The following MYO1H variants were observed in gnomAD, a reference collection of about 807,000 sequenced individuals.
The protein encoded by MYO1H is myosin IH.
Under a neutral mutation model 149.3 loss-of-function variants are expected in MYO1H, and 118 were observed. The ratio of observed to expected loss-of-function variants is 0.79; its 90% confidence interval spans 0.68 to 0.92. The LOEUF is 0.92. Among genes scored for constraint, MYO1H ranks in the 40% least tolerant of loss-of-function variants. The pLI is 0.00. For synonymous variants in MYO1H, 447 were observed against 465.2 expected (o/e 0.96, Z 0.50); for missense variants, 1,212 against 1,280.7 (o/e 0.95, Z 0.82).
chr12:109,399,508 C>T (rs1202936379), intron 5 of MYO1H, among the ~76,000 whole-genome samples: 2 of 147,804 alleles, frequency 1.4e-5, no homozygotes, highest in African/African-American at 5.0e-5. Flanking sequence ...ATGAGAAACA[C>T]TTGAACTTGG....
At chr12:109,432,966 G>A in exon 20 of MYO1H, 1 of 1,614,032 alleles carries the variant, frequency 6.2e-7, no homozygotes, top group Non-Finnish European at 8.5e-7. Flanking sequence ...TGGAACGGCT[G>A]ATCAAGTACA....
intron 31 of MYO1H, chr12:109,446,360 T>C: frequency 1.0e-6 from 1 of 985,456 alleles, no homozygotes; most frequent in Non-Finnish European, 1.2e-6. Context: ...GCTGAATCTT[T>C]AAAATGTATC....
chr12:109,333,736 C>T, the MYO1H span, among the ~76,000 whole-genome samples: 5 of 152,054 alleles, frequency 3.3e-5, no homozygotes, highest in South Asian at 2.1e-4. Context: ...ATTTATGATG[C>T]GGGTACATCT....
chr12:109,351,029 CTAAT>C (rs1566016447), intron 1 of MYO1H, among the ~76,000 whole-genome samples: 1 of 152,106 alleles, frequency 6.6e-6, no homozygotes, highest in African/African-American at 2.4e-5. Flanking sequence ...GTCATAAGTG[CTAAT>C]TAATTAAGCT....
intron 7 of MYO1H, among the ~76,000 whole-genome samples, chr12:109,405,391 ACCTCC>A (rs1307401041): frequency 6.6e-6 from 1 of 152,088 alleles, no homozygotes; most frequent in Non-Finnish European, 1.5e-5. Flanking sequence ...GCTCACTGCA[ACCTCC>A]GCCTCCCGGG....
chr12:109,378,785 AAG>A (rs1251638069), intron 1 of MYO1H, among the ~76,000 whole-genome samples: 1 of 152,122 alleles, frequency 6.6e-6, no homozygotes, highest in Non-Finnish European at 1.5e-5. Flanking sequence ...GAGAGGAAGC[AAG>A]AGAGAGAGGG....
At chr12:109,328,002 G>C in the MYO1H span, among the ~76,000 whole-genome samples, 5 of 151,690 alleles carry the variant, frequency 3.3e-5, no homozygotes, top group Non-Finnish European at 5.9e-5. Context: ...ATACCACTTA[G>C]AATTATTTAA....
chr12:109,397,227 A>C (rs555782104), intron 4 of MYO1H, among the ~76,000 whole-genome samples: 1 of 152,260 alleles, frequency 6.6e-6, no homozygotes, highest in Admixed American at 6.5e-5. Flanking sequence ...TAGTTTTCTT[A>C]TTATTGAGTT....
At chr12:109,338,457 G>A in the MYO1H span, among the ~76,000 whole-genome samples, 1 of 152,056 alleles carries the variant, frequency 6.6e-6, no homozygotes, top group African/African-American at 2.4e-5. Context: ...TCTCTTGGGT[G>A]TCTTGATCAC....
At chr12:109,378,974 C>T (rs555541468) in intron 1 of MYO1H, among the ~76,000 whole-genome samples, 128 of 152,340 alleles carry the variant, frequency 8.4e-4, no homozygotes, top group African/African-American at 2.7e-3. Flanking sequence ...TGGTATACTA[C>T]AGCATTGTTT....
At chr12:109,313,673 G>A in the MYO1H span, among the ~76,000 whole-genome samples, 1 of 152,112 alleles carries the variant, frequency 6.6e-6, no homozygotes, top group African/African-American at 2.4e-5. Context: ...GTTCATCACT[G>A]TTCTGTTCTA....
At chr12:109,423,760 T>A (rs1871262218) in intron 16 of MYO1H, among the ~76,000 whole-genome samples, 1 of 152,246 alleles carries the variant, frequency 6.6e-6, no homozygotes, top group Non-Finnish European at 1.5e-5. Flanking sequence ...CTTATTTCAC[T>A]TAGCGTGGGT....
chr12:109,432,088 G>A lies in MYO1H; in HGVS notation c.1950-809G>A, dbSNP rs148064281. ...GCAATCTCGGCTCACTGCAAGCTTC[G>A]CCTCCCAGGTTCACACTATTCTCCT... On this transcript the variant is annotated intron_variant, in intron 19 of 31. Transcript: ENST00000310903. Among the ~76,000 whole-genome samples, 1,133 of 136,334 alleles carry A rather than the reference G, an allele frequency of 8.3e-3. 7 individuals are homozygous for A. The highest frequency in any genetic ancestry group is 0.013 in the Non-Finnish European group (852 of 66,466). 89.4% of individuals were successfully genotyped at this position (136,334 alleles called of 152,430 possible).
At chr12:109,396,414 G>A in exon 4 of MYO1H, 7 of 1,612,894 alleles carry the variant, frequency 4.3e-6, no homozygotes, top group Non-Finnish European at 5.9e-6. Context: ...CTTACCGAAT[G>A]ATGTGTGCTG....
At chr12:109,420,900 TC>T in intron 15 of MYO1H, 80 bp from the exon 16 acceptor site, 1 of 773,472 alleles carries the variant, frequency 1.3e-6, no homozygotes, top group Non-Finnish European at 2.3e-6. Flanking sequence ...TTTCAGAATT[TC>T]CCTTTGCAAT....
At chr12:109,408,056 C>T (rs1434189117) in intron 10 of MYO1H, 143 bp downstream of exon 10, 15 of 1,005,400 alleles carry the variant, frequency 1.5e-5, no homozygotes, top group Non-Finnish European at 2.1e-5. Flanking sequence ...TCACATTTCC[C>T]ATGTCTAGCA....
At chr12:109,351,122 G>A (rs761817095) in intron 1 of MYO1H, among the ~76,000 whole-genome samples, 4 of 152,190 alleles carry the variant, frequency 2.6e-5, no homozygotes, top group Non-Finnish European at 5.9e-5. Context: ...TGGTGTACAA[G>A]TAATATGTTG....
At chr12:109,433,009 A>G (rs1871707556) in exon 20 of MYO1H, 1 of 1,613,186 alleles carries the variant, frequency 6.2e-7, no homozygotes, top group East Asian at 2.2e-5. Context: ...CAAGTTAGGC[A>G]AGTAAGTGAC....
intron 4 of MYO1H, 109 bp downstream of exon 4, chr12:109,396,691 G>A (rs776974692): frequency 1.1e-6 from 1 of 897,232 alleles, no homozygotes; most frequent in Non-Finnish European, 1.6e-6. Flanking sequence ...GTTAAGAAAA[G>A]AGGTCACACA....
Sources: allele counts gnomAD v4.1 joint callset (sites outside exome capture counted in the v4.1 genomes callset), GRCh38; gene constraint gnomAD v4.1.1; transcripts MANE v1.5; gene names NCBI Gene and HGNC (gene_info 2026-07-23, HGNC 2026-07-21).